Variants in DIO1 observed in about 807,000 individuals in gnomAD.
DIO1 encodes type I iodothyronine deiodinase.
In DIO1, 17 loss-of-function variants were observed where a neutral mutation model predicts 25.9. The observed-to-expected ratio is 0.66, with a 90% CI of 0.45 to 0.98. DIO1 has a LOEUF of 0.98. DIO1 is among the 50% of genes least tolerant of loss of function. The probability of loss-of-function intolerance (pLI) is 0.00; values close to 1 mark genes in which losing one functional copy is unlikely to be tolerated. For missense variants in DIO1, 270 were observed against 310.4 expected (o/e 0.87, Z 0.98); for synonymous variants, 115 against 114.0 (o/e 1.01, Z -0.05).
Position 53,894,291 on chromosome 1 carries a change from A to C in DIO1, c.81A>C (p.Lys27Asn). Reference sequence around the variant, plus strand: ...TGGCTGTGCATGTGGTCGTGGGTAAAGTGCTTCTGATATTGTTTCCAGACA... The same window carrying C: ...TGGCTGTGCATGTGGTCGTGGGTAACGTGCTTCTGATATTGTTTCCAGACA... ...LEVAVHVVVG[K>N]VLLILFPDRV... The change falls in exon 1 of 4, where the codon AAA (lysine) becomes AAC (asparagine). Residue 27 changes from lysine (K) to asparagine (N), a missense_variant. Lys to Asn is a moderately conservative substitution (Grantham distance 94). Transcript: ENST00000361921. The surrounding 1 kb of genome is among the most constrained non-coding windows in gnomAD (Gnocchi z 4.9). 1 of 1,614,222 alleles carries C rather than the reference A, an allele frequency of 6.2e-7. No individual in the cohort carries two copies. Among genetic ancestry groups the C allele is most frequent in the East Asian group, 2.2e-5 (1 of 44,882 alleles).
intron 1 of DIO1, among the ~76,000 whole-genome samples, chr1:53,896,210 C>CTTTTTTTTTTTTTTTTTTTTTTTTTTTTT (rs199555423): frequency 1.9e-5 from 2 of 103,584 alleles, no homozygotes; most frequent in Non-Finnish European, 3.6e-5. Flanking sequence ...TTCTTTTTCT[C>CTTTTTTTTTTTTTTTTTTTTTTTTTTTTT]TTTTTTTTTT....
intron 1 of DIO1, 114 bp from the exon 2 acceptor site, chr1:53,904,552 G>C: frequency 7.4e-7 from 1 of 1,350,160 alleles, no homozygotes; most frequent in Non-Finnish European, 1.0e-6. Context: ...CCCATCCTGG[G>C]GTGGGGGGTA....
chr1:53,900,505 G>C (rs1262142113), intron 1 of DIO1, among the ~76,000 whole-genome samples: 1 of 152,224 alleles, frequency 6.6e-6, no homozygotes, highest in Admixed American at 6.5e-5. Flanking sequence ...TTAGGAGGCT[G>C]AGGCAGGAGA....
intron 1 of DIO1, among the ~76,000 whole-genome samples, chr1:53,895,446 C>T (rs1329206020): frequency 6.6e-6 from 1 of 152,100 alleles, no homozygotes; most frequent in Non-Finnish European, 1.5e-5. Context: ...TCTCAGTTTT[C>T]TCTCTCTAAC....
chr1:53,895,979 C>T (rs1317270387), intron 1 of DIO1, among the ~76,000 whole-genome samples: 2 of 152,128 alleles, frequency 1.3e-5, no homozygotes, highest in East Asian at 1.9e-4. Context: ...CTCCCTTCGG[C>T]TCATGGCTCT....
At chr1:53,903,290 G>A (rs1333759589) in intron 1 of DIO1, 1 of 151,946 alleles carries the variant, frequency 6.6e-6, no homozygotes, top group African/African-American at 2.4e-5. Flanking sequence ...TCCTTACAGA[G>A]GTTGCAATAC....
intron 3 of DIO1, among the ~76,000 whole-genome samples, chr1:53,907,496 T>C (rs1651711563): frequency 6.6e-6 from 1 of 152,172 alleles, no homozygotes; most frequent in African/African-American, 2.4e-5. Flanking sequence ...AGAATGTGGG[T>C]CCTTCATCCT....
At chr1:53,895,355 G>A (rs1051643791) in intron 1 of DIO1, among the ~76,000 whole-genome samples, 5 of 152,108 alleles carry the variant, frequency 3.3e-5, no homozygotes, top group South Asian at 2.1e-4. Flanking sequence ...CCCCGGTGGC[G>A]GAGATTGCAG....
At position 53,898,140 on chromosome 1, in the gene DIO1, G is replaced by A. The variant is rs1051640603; in HGVS notation, c.337+3593G>A. Among the ~76,000 whole-genome samples, 3 of 152,260 alleles carry A rather than the reference G, an allele frequency of 2.0e-5. 1 individual carries two copies. The highest frequency in any genetic ancestry group is 1.5e-5 in the Non-Finnish European group (1 of 68,018). On this transcript the variant is annotated intron_variant, in intron 1 of 3. Transcript: ENST00000361921. ...GGTGGCCAAGGGAAAGCTTCCTGGAGGAGAGGATGGTGTGCTGATTGTCTA... is the reference window on the plus strand; with the variant it reads ...GGTGGCCAAGGGAAAGCTTCCTGGAAGAGAGGATGGTGTGCTGATTGTCTA...
At chr1:53,905,601 C>T (rs1205817343) in intron 2 of DIO1, among the ~76,000 whole-genome samples, 1 of 152,200 alleles carries the variant, frequency 6.6e-6, no homozygotes, top group Non-Finnish European at 1.5e-5. Context: ...CATTTCTAGT[C>T]CATCCACGCT....
intron 1 of DIO1, chr1:53,903,149 T>G (rs904101271): frequency 6.6e-6 from 1 of 151,960 alleles, no homozygotes; most frequent in Non-Finnish European, 1.5e-5. Flanking sequence ...GGGTCAGGTG[T>G]CACGTCCCCC....
At position 53,904,764 on chromosome 1, in the gene DIO1, A is replaced by G. The variant is rs199606717; in HGVS notation, c.436A>G (p.Ile146Val). 1.2e-6 allele frequency: 2 copies of G among 1,613,428 alleles called. No individual in the cohort carries two copies. The highest frequency in any genetic ancestry group is 2.7e-5 in the African/African-American group (2 of 75,044). ...GAGGCTTATTGAAGACTTTAGTTCC[A>G]TAGCAGATTTTCTTGTCATTTACAT... ...FKRLIEDFSS[I>V]ADFLVIYIEE... Residue 146 changes from isoleucine (I) to valine (V), a missense_variant, in exon 2 of 4, where the codon ATA becomes GTA. Ile to Val is a conservative substitution (Grantham distance 29, BLOSUM62 3). Transcript: ENST00000361921.
At chr1:53,900,831 T>C (rs1187648884) in intron 1 of DIO1, among the ~76,000 whole-genome samples, 1 of 151,982 alleles carries the variant, frequency 6.6e-6, no homozygotes, top group Admixed American at 6.6e-5. Context: ...TTTTCTCTTA[T>C]AGAGACAGGG....
At chr1:53,901,328 A>T (rs1238529948) in intron 1 of DIO1, among the ~76,000 whole-genome samples, 2 of 152,122 alleles carry the variant, frequency 1.3e-5, no homozygotes, top group Non-Finnish European at 2.9e-5. Context: ...GGTCACACAC[A>T]CATATGTACA....
chr1:53,904,885 A>C, intron 2 of DIO1, 76 bp downstream of exon 2: 275 of 1,495,742 alleles, frequency 1.8e-4, no homozygotes, highest in Non-Finnish European at 2.3e-4. Flanking sequence ...GCCCCATCTC[A>C]AGGTTGGGAG....
rs1282472909 is a variant in DIO1, at chr1:53,896,128, G to A, written c.337+1581G>A. Reference sequence around the variant, plus strand: ...TATCTCTGGATTCCTCAGCATGCTCGGCCCAGGGCCTAGATGCAGCAGGTA... The same window carrying A: ...TATCTCTGGATTCCTCAGCATGCTCAGCCCAGGGCCTAGATGCAGCAGGTA... On this transcript the variant is annotated intron_variant, in intron 1 of 3. Coordinates refer to ENST00000361921, the MANE Select transcript of DIO1 (RefSeq NM_000792.7). 2.6e-5 allele frequency among the ~76,000 whole-genome samples: 4 copies of A among 152,100 alleles called. No individual in the cohort carries two copies. The South Asian group carries it at 8.3e-4, about 32-fold the overall frequency.
chr1:53,906,393 C>A, intron 3 of DIO1, 99 bp downstream of exon 3: 1 of 1,052,590 alleles, frequency 9.5e-7, no homozygotes. Flanking sequence ...GGATTCAAAT[C>A]ACCACCCAGC....
chr1:53,904,311 G>A (rs1651528684), intron 1 of DIO1, among the ~76,000 whole-genome samples: 1 of 152,118 alleles, frequency 6.6e-6, no homozygotes, highest in African/African-American at 2.4e-5. Context: ...AAAATGGGGG[G>A]AAAAAATGAC....
Position 53,909,917 on chromosome 1 carries a change from C to T in DIO1, c.682-14C>T, listed in dbSNP as rs371472985. The T allele has an allele frequency of 6.8e-6, 11 of 1,613,640 alleles. No homozygotes were observed. Among genetic ancestry groups the T allele is most frequent in the East Asian group, 4.5e-5 (2 of 44,890 alleles). On this transcript the variant is annotated splice_polypyrimidine_tract_variant and intron_variant, in intron 3 of 3. Transcript: ENST00000361921. ...CCTTACAAGTTGGGAATGCCTGATT[C>T]GTTTCTCTTGCAGGGTAAATCTGGC...
Sources: allele counts gnomAD v4.1 joint callset (sites outside exome capture counted in the v4.1 genomes callset), GRCh38; gene constraint gnomAD v4.1.1; non-coding constraint Gnocchi (gnomAD v3.1); transcripts MANE v1.5; gene names NCBI Gene and HGNC (gene_info 2026-07-23, HGNC 2026-07-21).